Variants in LRRC3B observed in about 807,000 individuals in gnomAD.
LRRC3B encodes the protein leucine rich repeat containing 3B.
Under a neutral mutation model 12.8 loss-of-function variants are expected in LRRC3B, and 2 were observed. That is an observed-to-expected ratio of 0.16 (90% CI 0.06 to 0.49). The LOEUF (loss-of-function observed/expected upper bound fraction) is 0.49. Ranked by LOEUF, LRRC3B falls within the 20% of genes least tolerant of loss-of-function variation. The probability of loss-of-function intolerance (pLI) is 0.96; values close to 1 mark genes in which losing one functional copy is unlikely to be tolerated. For synonymous variants in LRRC3B, 132 were observed against 122.0 expected, an observed-to-expected ratio of 1.08 and a Z score of -0.54; for missense variants, 189 against 319.4, an observed-to-expected ratio of 0.59 and a Z score of 3.11.
At chr3:26,690,467 G>C (rs191240564) in intron 1 of LRRC3B, among the ~76,000 whole-genome samples, 2 of 152,300 alleles carry the variant, frequency 1.3e-5, no homozygotes, top group Admixed American at 1.3e-4. Flanking sequence ...GGAGACAGGG[G>C]AAGTCTTACT....
intron 1 of LRRC3B, among the ~76,000 whole-genome samples, chr3:26,662,028 G>A (rs1699501816): frequency 1.3e-5 from 2 of 152,114 alleles, no homozygotes; most frequent in Admixed American, 1.3e-4. Context: ...GAGAAATCTT[G>A]TTGTCCTTAA....
chr3:26,654,723 T>C (rs1269805925), intron 1 of LRRC3B, among the ~76,000 whole-genome samples: 1 of 152,166 alleles, frequency 6.6e-6, no homozygotes, highest in Non-Finnish European at 1.5e-5. Context: ...GAATATTCTG[T>C]AGAAGTGCTT....
chr3:26,693,200 G>T (rs1049146664), intron 1 of LRRC3B, among the ~76,000 whole-genome samples: 3 of 149,568 alleles, frequency 2.0e-5, no homozygotes, highest in African/African-American at 5.1e-5. Context: ...ATGGTGGCGC[G>T]TGCCTGTAGT....
chr3:26,669,106 C>G (rs946882913), intron 1 of LRRC3B, among the ~76,000 whole-genome samples: 1 of 152,228 alleles, frequency 6.6e-6, no homozygotes. Flanking sequence ...TCCAAAAGTC[C>G]TACTGAATTT....
intron 1 of LRRC3B, 144 bp from the exon 2 acceptor site, chr3:26,709,369 A>ATAAC (rs1167091098): frequency 4.9e-5 from 18 of 367,536 alleles, no homozygotes; most frequent in African/African-American, 3.6e-4. Flanking sequence ...CATTTCGCAG[A>ATAAC]TAACTCCCAG....
Position 26,687,720 on chromosome 3 carries a change from G to T in LRRC3B, c.-160-21793G>T, listed in dbSNP as rs530767878. Among the ~76,000 whole-genome samples the T allele has an allele frequency of 1.2e-4, 19 of 152,238 alleles. No individual in the cohort carries two copies. The South Asian group carries it at 3.1e-3, about 25-fold the overall frequency. ...TGAGCTGCTAACAAGTGGTAGAATCGATTCATTTGAATTTCAACTTCCTTC... is the reference window on the plus strand; with the variant it reads ...TGAGCTGCTAACAAGTGGTAGAATCTATTCATTTGAATTTCAACTTCCTTC... On this transcript the variant is annotated intron_variant, in intron 1 of 1. Coordinates refer to ENST00000396641, the Ensembl canonical transcript of LRRC3B.
chr3:26,665,940 T>C (rs1699589124), intron 1 of LRRC3B, among the ~76,000 whole-genome samples: 1 of 152,182 alleles, frequency 6.6e-6, no homozygotes, highest in Non-Finnish European at 1.5e-5. Flanking sequence ...TCTGACATCA[T>C]GCTCAAATGT....
intron 1 of LRRC3B, among the ~76,000 whole-genome samples, chr3:26,633,694 A>G (rs1333769999): frequency 6.6e-6 from 1 of 152,180 alleles, no homozygotes; most frequent in African/African-American, 2.4e-5. Context: ...TCCCAGGAGG[A>G]GGGAAAGCAC....
intron 1 of LRRC3B, among the ~76,000 whole-genome samples, chr3:26,705,352 C>T (rs961456829): frequency 6.6e-6 from 1 of 151,874 alleles, no homozygotes; most frequent in African/African-American, 2.4e-5. Flanking sequence ...AGAAATATTA[C>T]GGCTTCTGCT....
intron 1 of LRRC3B, among the ~76,000 whole-genome samples, chr3:26,642,981 C>T (rs1699062977): frequency 6.7e-6 from 1 of 148,882 alleles, no homozygotes. Context: ...CACACCACTG[C>T]ACTCCAGCCT....
intron 1 of LRRC3B, among the ~76,000 whole-genome samples, chr3:26,648,618 C>A (rs1363514699): frequency 6.6e-6 from 1 of 152,160 alleles, no homozygotes; most frequent in South Asian, 2.1e-4. Context: ...CCCTAGAGAA[C>A]CAGAATCCTG....
chr3:26,642,621 C>T (rs1394427381), intron 1 of LRRC3B, among the ~76,000 whole-genome samples: 1 of 152,142 alleles, frequency 6.6e-6, no homozygotes, highest in Admixed American at 6.5e-5. Context: ...CCCACACAGG[C>T]CTGTTTCTCT....
intron 1 of LRRC3B, among the ~76,000 whole-genome samples, chr3:26,652,328 C>T (rs1699282042): frequency 1.3e-5 from 2 of 152,246 alleles, no homozygotes; most frequent in Non-Finnish European, 1.5e-5. Context: ...ATGGGATCCT[C>T]TCCCGTTCTC....
chr3:26,679,699 T>C (rs1029147029), intron 1 of LRRC3B, among the ~76,000 whole-genome samples: 3 of 152,182 alleles, frequency 2.0e-5, no homozygotes, highest in Non-Finnish European at 4.4e-5. Context: ...CATCATTTAT[T>C]TGGGTGTCAC....
rs1186942021 is a variant in LRRC3B, at chr3:26,671,346, G to GTATATATATA, written c.-160-38166_-160-38165insATATATATAT. Among the ~76,000 whole-genome samples, 38 of 56,346 alleles carry GTATATATATA rather than the reference G, an allele frequency of 6.7e-4. 2 individuals are homozygous for GTATATATATA. Among genetic ancestry groups the GTATATATATA allele is most frequent in the Middle Eastern group, 0.011 (1 of 92 alleles). 37.0% of individuals were successfully genotyped at this position (56,346 alleles called of 152,430 possible). ...ATCTTATAAATGTGTGTGTATATAT[G>GTATATATATA]TGTGTATATATATATATATATATAT... On this transcript the variant is annotated intron_variant, in intron 1 of 1. Transcript: ENST00000396641.
intron 1 of LRRC3B, among the ~76,000 whole-genome samples, chr3:26,685,341 T>C (rs1247266121): frequency 6.6e-6 from 1 of 151,604 alleles, no homozygotes; most frequent in African/African-American, 2.4e-5. Context: ...CTTTCTTGTT[T>C]TCTAAAATGA....
chr3:26,698,017 A>G (rs1289101913), intron 1 of LRRC3B, among the ~76,000 whole-genome samples: 1 of 152,174 alleles, frequency 6.6e-6, no homozygotes. Context: ...AAATGAAATC[A>G]TTGACTCTTT....
intron 1 of LRRC3B, among the ~76,000 whole-genome samples, chr3:26,669,755 G>T (rs536813468): frequency 6.6e-6 from 1 of 152,140 alleles, no homozygotes; most frequent in Non-Finnish European, 1.5e-5. Flanking sequence ...TATGGTTGCC[G>T]GTGAAAGATG....
chr3:26,659,843 G>A (rs1699457949), intron 1 of LRRC3B, among the ~76,000 whole-genome samples: 1 of 152,262 alleles, frequency 6.6e-6, no homozygotes, highest in South Asian at 2.1e-4. Flanking sequence ...TGAAGTGTTA[G>A]CCCATCTGGG....
Sources: gnomAD v4.1 joint callset for allele counts (sites outside exome capture counted in the v4.1 genomes callset) on GRCh38, gnomAD v4.1.1 for gene constraint, MANE v1.5 for transcripts, NCBI Gene and HGNC (gene_info 2026-07-23, HGNC 2026-07-21) for gene names.